Variants in CD274 observed in about 807,000 individuals in gnomAD.
The protein encoded by CD274 is programmed cell death 1 ligand 1.
Under a neutral mutation model 30.1 loss-of-function variants are expected in CD274, and 8 were observed. The ratio of observed to expected loss-of-function variants is 0.27; its 90% confidence interval spans 0.16 to 0.48. The LOEUF (loss-of-function observed/expected upper bound fraction) is 0.48, where lower values mean the gene tolerates loss of function less well. CD274 is among the 20% of genes least tolerant of loss of function. CD274 has a pLI of 0.99. For synonymous variants in CD274, 152 were observed against 124.6 expected (o/e 1.22, Z -1.46); for missense variants, 353 against 346.6 (o/e 1.02, Z -0.15).
Position 5,462,818 on chromosome 9 carries a change from T to C in CD274, c.395-16T>C, listed in dbSNP as rs2131222678. 1 of 1,605,100 alleles carries C rather than the reference T, an allele frequency of 6.2e-7. No homozygotes were observed. Among genetic ancestry groups the C allele is most frequent in the Non-Finnish European group, 8.5e-7 (1 of 1,173,886 alleles). On this transcript the variant is annotated splice_polypyrimidine_tract_variant and intron_variant, in intron 3 of 6. Transcript: ENST00000381577. ...TGCTCAGCAAAAGCCCTGACTTCTTTTTGTTTATGTCCTAGCCCCATACAA... is the reference window on the plus strand; with the variant it reads ...TGCTCAGCAAAAGCCCTGACTTCTTCTTGTTTATGTCCTAGCCCCATACAA...
chr9:5,450,994 G>A (rs762554301), intron 1 of CD274, among the ~76,000 whole-genome samples: 9 of 152,176 alleles, frequency 5.9e-5, no homozygotes, highest in Non-Finnish European at 1.3e-4. Flanking sequence ...AGTTATCCCA[G>A]CTGCAGCATC....
At chr9:5,454,637 A>G (rs1819267527) in intron 1 of CD274, among the ~76,000 whole-genome samples, 1 of 124,104 alleles carries the variant, frequency 8.1e-6, no homozygotes, top group African/African-American at 4.0e-5. Flanking sequence ...ACATATATAT[A>G]TATATGTGTG....
At position 5,469,319 on chromosome 9, in the gene CD274, C is replaced by A; in HGVS notation, c.*1457C>A. 3 of 232,518 alleles carry A rather than the reference C, an allele frequency of 1.3e-5. No individual in the cohort carries two copies. The highest frequency in any genetic ancestry group is 2.5e-5 in the Non-Finnish European group (3 of 117,694). 14.4% of individuals were successfully genotyped at this position (232,518 alleles called of 1,614,324 possible). On this transcript the variant is annotated 3_prime_UTR_variant, in exon 7 of 7. Transcript: ENST00000381577. ...ATGCCACTAAATTTTAAATTCATAC[C>A]TTTCCATGATTCAAAATTCAAAAGA...
intron 1 of CD274, among the ~76,000 whole-genome samples, chr9:5,452,015 G>A (rs542380336): frequency 7.6e-6 from 1 of 132,170 alleles, no homozygotes. Context: ...AGTTTAACCG[G>A]TTTTTTTTGT....
intron 3 of CD274, 21 bp from the exon 4 acceptor site, chr9:5,462,813 T>A: frequency 1.2e-6 from 2 of 1,604,182 alleles, no homozygotes; most frequent in South Asian, 2.2e-5. Flanking sequence ...AAGCCCTGAC[T>A]TCTTTTTGTT....
intron 3 of CD274, among the ~76,000 whole-genome samples, chr9:5,462,246 C>T (rs1819417513): frequency 6.6e-6 from 1 of 152,120 alleles, no homozygotes; most frequent in Non-Finnish European, 1.5e-5. Flanking sequence ...AAGTGAATGA[C>T]ACCTCAAAAT....
At position 5,469,967 on chromosome 9, in the gene CD274, C is replaced by T. The variant is rs536495524; in HGVS notation, c.*2105C>T. The T allele has an allele frequency of 3.4e-5, 8 of 233,204 alleles. No homozygotes were observed. The South Asian group carries it at 1.4e-3, about 42-fold the overall frequency. The allele number at this position is 233,204 out of a possible 1,614,324, so 14.4% of individuals were successfully genotyped here. A position where few individuals can be genotyped will look rare whatever the true frequency, so the allele number is the denominator to read the frequency against. ...AAATTCCGGCAGTGTACCTTGACTGCTAGCTACCCTGTGCCAGAAAAGCCT... is the reference window on the plus strand; with the variant it reads ...AAATTCCGGCAGTGTACCTTGACTGTTAGCTACCCTGTGCCAGAAAAGCCT... On this transcript the variant is annotated 3_prime_UTR_variant, in exon 7 of 7. Transcript: ENST00000381577.
intron 1 of CD274, among the ~76,000 whole-genome samples, chr9:5,453,289 C>T (rs1378985369): frequency 2.0e-5 from 3 of 152,110 alleles, no homozygotes; most frequent in Admixed American, 1.3e-4. Flanking sequence ...AAACCAGTGA[C>T]ATAAACAGAC....
In CD274 at chr9:5,463,182, A is replaced by C. The variant is rs990693776; in HGVS notation, c.682+61A>C. ...ACACTGTCCCCTAGCACCTAGCATG[A>C]TGTCTGCCTATCATAGTCATTCAGT... On this transcript the variant is annotated intron_variant, in intron 4 of 6. Coordinates refer to ENST00000381577, the MANE Select transcript of CD274 (RefSeq NM_014143.4). 2.3e-5 allele frequency: 29 copies of C among 1,245,440 alleles called. No homozygotes were observed. In the East Asian group the frequency reaches 6.5e-4, roughly 28 times the overall value. The allele number at this position is 1,245,440 out of a possible 1,614,324, so 77.1% of individuals were successfully genotyped here.
At chr9:5,453,396 T>C (rs822341) in intron 1 of CD274, among the ~76,000 whole-genome samples, 117,069 of 152,188 alleles carry the variant, frequency 0.77, 45,811 homozygotes, top group African/African-American at 0.9. Context: ...CAACATGTGT[T>C]GAGAACCAGA....
chr9:5,452,881 A>G (rs1238484325), intron 1 of CD274, among the ~76,000 whole-genome samples: 1 of 151,906 alleles, frequency 6.6e-6, no homozygotes, highest in African/African-American at 2.4e-5. Context: ...ATATGGTTAT[A>G]ATGCTTTGCT....
At position 5,462,945 on chromosome 9, in the gene CD274, G is replaced by A; in HGVS notation, c.506G>A (p.Ser169Asn). Residue 169 changes from serine to asparagine, a missense_variant, in exon 4 of 7, where the codon AGC becomes AAC. Transcript: ENST00000381577. Reference protein sequence around the residue: ...GYPKAEVIWTSSDHQVLSGKT... With the variant: ...GYPKAEVIWTNSDHQVLSGKT... ...CCCAAGGCCGAAGTCATCTGGACAA[G>A]CAGTGACCATCAAGTCCTGAGTGGT... 1 of 1,614,078 alleles carries A rather than the reference G, an allele frequency of 6.2e-7. No individual in the cohort carries two copies. Among genetic ancestry groups the A allele is most frequent in the Non-Finnish European group, 8.5e-7 (1 of 1,179,950 alleles).
chr9:5,466,374 G>T (rs888825380), intron 5 of CD274, among the ~76,000 whole-genome samples: 6 of 152,154 alleles, frequency 3.9e-5, no homozygotes, highest in Non-Finnish European at 8.8e-5. Context: ...TAAGGATCAA[G>T]TTTCAATGAC....
At chr9:5,460,678 A>G (rs1048453932) in intron 3 of CD274, among the ~76,000 whole-genome samples, 2 of 152,292 alleles carry the variant, frequency 1.3e-5, no homozygotes, top group South Asian at 4.1e-4. Context: ...TATTGCCTAT[A>G]TTTGTACCTC....
chr9:5,454,213 A>G (rs949616385), intron 1 of CD274, among the ~76,000 whole-genome samples: 3 of 152,146 alleles, frequency 2.0e-5, no homozygotes, highest in Admixed American at 2.0e-4. Context: ...TAAAAATAAA[A>G]CATTCTTTCA....
At chr9:5,452,699 G>C (rs977439296) in intron 1 of CD274, among the ~76,000 whole-genome samples, 1 of 152,160 alleles carries the variant, frequency 6.6e-6, no homozygotes, top group African/African-American at 2.4e-5. Flanking sequence ...GGTTTGATAA[G>C]AAATTAAGTA....
chr9:5,469,800 A>T lies in CD274; in HGVS notation c.*1938A>T, dbSNP rs758156152. 4 of 232,936 alleles carry T rather than the reference A, an allele frequency of 1.7e-5. No individual in the cohort carries two copies. Among genetic ancestry groups the T allele is most frequent in the African/African-American group, 4.4e-5 (2 of 45,340 alleles). 14.4% of individuals were successfully genotyped at this position (232,936 alleles called of 1,614,324 possible). On this transcript the variant is annotated 3_prime_UTR_variant, in exon 7 of 7. Transcript: ENST00000381577. ...GAGACCCATGGGCTCTCCAGGGTGC[A>T]CTGAGTCAATCTAGTCCTAAAAAGC... is the stretch of plus-strand genomic sequence containing the variant.
intron 4 of CD274, 118 bp downstream of exon 4, chr9:5,463,239 CTA>C (rs1819439380): frequency 1.3e-6 from 1 of 783,084 alleles, no homozygotes; most frequent in Non-Finnish European, 2.1e-6. Flanking sequence ...ATGAATAACA[CTA>C]TGTTTACAAA....
At chr9:5,454,650 T>C (rs1819268248) in intron 1 of CD274, among the ~76,000 whole-genome samples, 1 of 152,050 alleles carries the variant, frequency 6.6e-6, no homozygotes, top group African/African-American at 2.4e-5. Flanking sequence ...TATGTGTGTG[T>C]GTGTGTTTTT....
Sources: allele counts gnomAD v4.1 joint callset (sites outside exome capture counted in the v4.1 genomes callset), GRCh38; gene constraint gnomAD v4.1.1; transcripts MANE v1.5; gene names NCBI Gene and HGNC (gene_info 2026-07-23, HGNC 2026-07-21).